Variants in SLC38A9 observed in about 807,000 individuals in gnomAD.
The protein encoded by SLC38A9 is neutral amino acid transporter 9.
In SLC38A9, 48 loss-of-function variants were observed where a neutral mutation model predicts 62.3. The observed-to-expected ratio is 0.77, with a 90% CI of 0.61 to 0.98. The LOEUF is 0.98. SLC38A9 is among the 50% of genes least tolerant of loss of function. SLC38A9 has a pLI of 0.00. For synonymous variants in SLC38A9, 204 were observed against 227.7 expected, an observed-to-expected ratio of 0.90 and a Z score of 0.94; for missense variants, 541 against 679.8, an observed-to-expected ratio of 0.80 and a Z score of 2.27.
At chr5:55,631,266 T>A (rs1002976986) in intron 14 of SLC38A9, among the ~76,000 whole-genome samples, 5 of 152,128 alleles carry the variant, frequency 3.3e-5, no homozygotes, top group Non-Finnish European at 4.4e-5. Flanking sequence ...AGACCAAAAA[T>A]TATGCTCCAA....
chr5:55,677,444 C>T (rs1054537889), intron 3 of SLC38A9, among the ~76,000 whole-genome samples: 3 of 152,146 alleles, frequency 2.0e-5, no homozygotes, highest in Admixed American at 2.0e-4. Context: ...ACTTCAGGAC[C>T]TTCCTAAAGT....
chr5:55,657,063 G>A (rs935926987), intron 8 of SLC38A9, among the ~76,000 whole-genome samples: 5 of 152,096 alleles, frequency 3.3e-5, no homozygotes, highest in Admixed American at 6.5e-5. Context: ...AGGTTTCACC[G>A]TGTTAGCCAG....
At chr5:55,659,298 T>G (rs1345712114) in intron 8 of SLC38A9, among the ~76,000 whole-genome samples, 2 of 151,010 alleles carry the variant, frequency 1.3e-5, no homozygotes. Context: ...CGTATATGTC[T>G]GTGTACGTAT....
intron 3 of SLC38A9, among the ~76,000 whole-genome samples, chr5:55,687,458 T>C (rs1411744200): frequency 6.7e-6 from 1 of 150,254 alleles, no homozygotes; most frequent in Non-Finnish European, 1.5e-5. Flanking sequence ...AAAAGTTTTT[T>C]CTAGTTCTGT....
At position 55,669,960 on chromosome 5, in the gene SLC38A9, T is replaced by C. The variant is rs1019002992; in HGVS notation, c.247-81A>G. On this transcript the variant is annotated intron_variant, in intron 4 of 15. Coordinates refer to ENST00000396865, the MANE Select transcript of SLC38A9 (RefSeq NM_173514.4). ...TTTGTTACACATCAGAACACCTGAC[T>C]CTAGACACCTTTTTTTTTCTTTTGA... is the stretch of plus-strand genomic sequence containing the variant. 1.2e-5 allele frequency: 16 copies of C among 1,321,610 alleles called. No homozygotes were observed. In the East Asian group the frequency reaches 1.9e-4, roughly 16 times the overall value. The allele number at this position is 1,321,610 out of a possible 1,614,324, so 81.9% of individuals were successfully genotyped here. A position where few individuals can be genotyped will look rare whatever the true frequency, so the allele number is the denominator to read the frequency against.
chr5:55,642,108 C>T (rs1324945209), intron 12 of SLC38A9, among the ~76,000 whole-genome samples: 2 of 152,246 alleles, frequency 1.3e-5, no homozygotes, highest in East Asian at 3.9e-4. Context: ...TGCAGTGGCG[C>T]GATCTCGGCT....
chr5:55,669,491 T>TTA, intron 6 of SLC38A9, 66 bp downstream of exon 6: 7 of 1,438,866 alleles, frequency 4.9e-6, no homozygotes, highest in Non-Finnish European at 5.7e-6. Context: ...AAAACCTCTG[T>TTA]TATAAAACTT....
At chr5:55,626,738 A>T in intron 15 of SLC38A9, 79 bp from the exon 16 acceptor site, 1 of 1,308,676 alleles carries the variant, frequency 7.6e-7, no homozygotes, top group Non-Finnish European at 1.0e-6. Context: ...AGTACAATTT[A>T]AATCCTCCTC....
intron 2 of SLC38A9, among the ~76,000 whole-genome samples, chr5:55,705,369 T>A (rs1242899374): frequency 6.6e-6 from 1 of 151,558 alleles, no homozygotes; most frequent in Non-Finnish European, 1.5e-5. Context: ...ACTGGCCTAA[T>A]GTTTTACATG....
rs10682261 is a variant in SLC38A9, at chr5:55,677,926, T to TTGTGTGTGTGTGTG, written c.114-5245_114-5232dup. Among the ~76,000 whole-genome samples, 709 of 112,172 alleles carry TTGTGTGTGTGTGTG rather than the reference T, an allele frequency of 6.3e-3. 15 individuals carry two copies. Among genetic ancestry groups the TTGTGTGTGTGTGTG allele is most frequent in the East Asian group, 0.061 (221 of 3,608 alleles). The allele number at this position is 112,172 out of a possible 152,430, so 73.6% of individuals were successfully genotyped here. On this transcript the variant is annotated intron_variant, in intron 3 of 15. Coordinates refer to ENST00000396865, the MANE Select transcript of SLC38A9 (RefSeq NM_173514.4). Reference sequence around the variant, plus strand: ...TAAATCAATACTTTTTTTTTCTTTATTGTGTGTGTGTGTGTGTGTGTGTGT... The same window carrying TTGTGTGTGTGTGTG: ...TAAATCAATACTTTTTTTTTCTTTATTGTGTGTGTGTGTGTGTGTGTGTGTGTGTGTGTGTGTGT...
chr5:55,649,924 G>T (rs1284433596), intron 10 of SLC38A9, among the ~76,000 whole-genome samples: 1 of 152,072 alleles, frequency 6.6e-6, no homozygotes, highest in Non-Finnish European at 1.5e-5. Context: ...AGTTTAAGCA[G>T]AAGATACAAG....
intron 3 of SLC38A9, chr5:55,694,037 C>T (rs73123630): frequency 0.021 from 3,244 of 157,308 alleles, 107 homozygotes; most frequent in African/African-American, 0.074. Flanking sequence ...CCCTTCTCTA[C>T]AAAATAAAAT....
chr5:55,660,534 G>T (rs1249888906), intron 8 of SLC38A9, among the ~76,000 whole-genome samples: 1 of 152,190 alleles, frequency 6.6e-6, no homozygotes, highest in Non-Finnish European at 1.5e-5. Context: ...TCTTGAAGGA[G>T]GTGTATAGAT....
intron 3 of SLC38A9, 65 bp downstream of exon 3, chr5:55,697,781 T>G: frequency 1.3e-6 from 1 of 782,954 alleles, no homozygotes; most frequent in Non-Finnish European, 2.0e-6. Context: ...TGTTTGGTTA[T>G]AATTAGATGT....
chr5:55,696,702 G>GACC (rs1755824837), intron 3 of SLC38A9: 1 of 93,460 alleles, frequency 1.1e-5, no homozygotes, highest in Non-Finnish European at 2.5e-5. Context: ...GCGGGGGGCT[G>GACC]ACCCCCCCAC....
At chr5:55,681,193 C>T (rs1361673068) in intron 3 of SLC38A9, among the ~76,000 whole-genome samples, 2 of 152,054 alleles carry the variant, frequency 1.3e-5, no homozygotes, top group Non-Finnish European at 2.9e-5. Context: ...CTTTGAGACT[C>T]TGTTAGAAAG....
chr5:55,658,043 A>G (rs1748767214), intron 8 of SLC38A9: 1 of 152,232 alleles, frequency 6.6e-6, no homozygotes, highest in Non-Finnish European at 1.5e-5. Context: ...ATTTATGTCC[A>G]CTAGAAACCT....
chr5:55,703,009 C>G (rs1430835635), intron 2 of SLC38A9: 1 of 152,054 alleles, frequency 6.6e-6, no homozygotes, highest in Non-Finnish European at 1.5e-5. Context: ...GGCTTTATTT[C>G]TATATCTTAT....
intron 4 of SLC38A9, among the ~76,000 whole-genome samples, chr5:55,671,078 A>G (rs1313555536): frequency 1.3e-5 from 2 of 152,172 alleles, no homozygotes; most frequent in East Asian, 1.9e-4. Context: ...CTTTTTATTA[A>G]TAATACTAAT....
Sources: allele counts gnomAD v4.1 joint callset (sites outside exome capture counted in the v4.1 genomes callset), GRCh38; gene constraint gnomAD v4.1.1; transcripts MANE v1.5; gene names NCBI Gene and HGNC (gene_info 2026-07-23, HGNC 2026-07-21).